USP54: variants seen among roughly 807,000 people sequenced by gnomAD.
USP54 encodes the protein ubiquitin specific peptidase 54.
USP54 carries 87 observed loss-of-function variants against 170.5 expected under a neutral mutation model. That is an observed-to-expected ratio of 0.51 (90% CI 0.43 to 0.61). USP54 has a LOEUF of 0.61. Ranked by LOEUF, USP54 falls within the 20% of genes least tolerant of loss-of-function variation. The pLI, the probability that USP54 is intolerant of heterozygous loss-of-function variation, is 0.00. For synonymous variants in USP54, 655 were observed against 742.8 expected (o/e 0.88, Z 1.92); for missense variants, 1,786 against 2,047.8 (o/e 0.87, Z 2.47).
At chr10:73,620,185 C>T (rs1047660584) in intron 1 of USP54, among the ~76,000 whole-genome samples, 1 of 149,674 alleles carries the variant, frequency 6.7e-6, no homozygotes, top group Non-Finnish European at 1.5e-5. Context: ...TGGTGGCGGG[C>T]GCCTGTAGTC....
chr10:73,504,855 T>G lies in USP54; in HGVS notation c.4306A>C (p.Ser1436Arg), dbSNP rs745923551. ...TGGACCCTGATTCTACTTACAAAAC[T>G]GTGGGAAGAAACCGGAGCTTCCTCC... ...EREEAPVSSH[S>R]FDSSNVRKPL... The change falls in exon 22 of 24, where the codon AGT becomes CGT. Residue 1436 changes from serine to arginine, a missense_variant. Around this residue, in one of 3 missense-constraint regions of USP54, gnomAD observed 1,418 missense variants for 1,569.0 expected, o/e 0.90. Transcript: ENST00000687698. The G allele has an allele frequency of 1.1e-5, 17 of 1,614,162 alleles. No homozygotes were observed. The highest frequency in any genetic ancestry group is 1.4e-5 in the Non-Finnish European group (17 of 1,180,032).
In USP54 at chr10:73,497,961, C is replaced by G. The variant is rs916861637; in HGVS notation, c.*668G>C. ...TATAGTAGGGAACAGAGGATGAGGG[C>G]TCAGGTGGAGGTGGGGACATAAAGC... is the stretch of plus-strand genomic sequence containing the variant. On this transcript the variant is annotated 3_prime_UTR_variant, in exon 24 of 24. Transcript: ENST00000687698. 2.0e-5 allele frequency: 3 copies of G among 152,332 alleles called. No individual in the cohort carries two copies. Among genetic ancestry groups the G allele is most frequent in the African/African-American group, 7.2e-5 (3 of 41,426 alleles). 9.4% of individuals were successfully genotyped at this position (152,332 alleles called of 1,614,324 possible). A position where few individuals can be genotyped will look rare whatever the true frequency, so the allele number is the denominator to read the frequency against.
intron 4 of USP54, among the ~76,000 whole-genome samples, chr10:73,560,780 G>A (rs1238209736): frequency 6.6e-6 from 1 of 150,796 alleles, no homozygotes; most frequent in African/African-American, 2.4e-5. Flanking sequence ...AAAATGGAAG[G>A]CAACTACCAA....
rs1262619526 is a variant in USP54, at chr10:73,541,421, G to C, written c.779C>G (p.Ala260Gly). 6.2e-7 allele frequency: 1 copy of C among 1,614,012 alleles called. No individual in the cohort carries two copies. Among genetic ancestry groups the C allele is most frequent in the African/African-American group, 1.3e-5 (1 of 74,890 alleles). The change falls in exon 9 of 24, where the codon GCA becomes GGA. Residue 260 changes from alanine (A) to glycine (G), a missense_variant. Physicochemically the swap from Ala to Gly is moderately conservative, Grantham distance 60. Coordinates refer to ENST00000687698, the MANE Select transcript of USP54 (RefSeq NM_001391956.1). ...TCCCAGGCTGTGGATAACATCTTCT[G>C]CTAAGTCTGAGTGGTCTGAGTCCCA... ...LVWDSDHSDL[A>G]EDVIHSLGTC...
rs202237413 is a variant in USP54, at chr10:73,499,215, C to T, written c.4496-27G>A. The T allele has an allele frequency of 1.2e-3, 1,914 of 1,558,178 alleles. 3 individuals carry two copies. Among genetic ancestry groups the T allele is most frequent in the Non-Finnish European group, 1.6e-3 (1,842 of 1,156,624 alleles). On this transcript the variant is annotated intron_variant, in intron 23 of 23. Transcript: ENST00000687698. Reference sequence around the variant, plus strand: ...TGGGGAAAGAAAAGAAACCCAAAGACTGAGCATCTTCAGAAAACCATTCTC... The same window carrying T: ...TGGGGAAAGAAAAGAAACCCAAAGATTGAGCATCTTCAGAAAACCATTCTC...
chr10:73,527,837 CAA>C (rs1015620084), intron 15 of USP54, among the ~76,000 whole-genome samples: 2 of 43,716 alleles, frequency 4.6e-5, no homozygotes, highest in Non-Finnish European at 9.3e-5. Flanking sequence ...CCATCGATAC[CAA>C]AAAAAAAAAA....
chr10:73,544,131 C>T (rs1048258329), intron 5 of USP54, among the ~76,000 whole-genome samples: 23 of 151,960 alleles, frequency 1.5e-4, no homozygotes, highest in Non-Finnish European at 2.6e-4. Flanking sequence ...TTAATAGAGA[C>T]GGCGTTTCAC....
At chr10:73,515,360 CTG>C (rs1256453651) in intron 20 of USP54, among the ~76,000 whole-genome samples, 1 of 152,106 alleles carries the variant, frequency 6.6e-6, no homozygotes, top group Non-Finnish European at 1.5e-5. Context: ...CAAATTTATA[CTG>C]AGAGTTAATG....
Position 73,536,315 on chromosome 10 carries a change from A to T in USP54, c.1098T>A (p.Ala366=), listed in dbSNP as rs1375249531. ...ATGTCCTGCTGTATGACTGGAACTC[A>T]GCTTGGGGAGGCAGGTCCTGGGTGG... ...PVSTQDLPPQ[A]EFQSYSRTCY... The change falls in exon 11 of 24, where the codon GCT becomes GCA. Residue 366 remains alanine, a synonymous_variant. Transcript: ENST00000687698. 3 of 1,614,134 alleles carry T rather than the reference A, an allele frequency of 1.9e-6. No individual in the cohort carries two copies. The highest frequency in any genetic ancestry group is 1.6e-4 in the Middle Eastern group (1 of 6,062).
At chr10:73,521,746 C>T (rs925540627) in intron 17 of USP54, among the ~76,000 whole-genome samples, 1 of 152,210 alleles carries the variant, frequency 6.6e-6, no homozygotes, top group African/African-American at 2.4e-5. Flanking sequence ...ACCAAAACTA[C>T]CCCCAAAGAA....
chr10:73,619,106 G>A (rs1176933813), intron 1 of USP54, among the ~76,000 whole-genome samples: 1 of 150,214 alleles, frequency 6.7e-6, no homozygotes, highest in Non-Finnish European at 1.5e-5. Context: ...CCAGCTACTC[G>A]GGAGGCTGAA....
intron 1 of USP54, among the ~76,000 whole-genome samples, chr10:73,597,321 CATGCAGCTAA>C (rs966873859): frequency 1.3e-5 from 2 of 152,154 alleles, no homozygotes; most frequent in Admixed American, 1.3e-4. Flanking sequence ...CTTTAGGAAT[CATGCAGCTAA>C]AGGCCCCAAG....
At chr10:73,624,512 A>G (rs2081372736) in intron 1 of USP54, 1 of 151,948 alleles carries the variant, frequency 6.6e-6, no homozygotes, top group Admixed American at 6.6e-5. Flanking sequence ...CCAGCCAAAA[A>G]GCCATTATTC....
At chr10:73,568,792 A>T (rs1201536774) in intron 4 of USP54, among the ~76,000 whole-genome samples, 3 of 152,144 alleles carry the variant, frequency 2.0e-5, no homozygotes, top group Non-Finnish European at 2.9e-5. Flanking sequence ...CACCACAAGC[A>T]ACTGTCTCTC....
intron 20 of USP54, among the ~76,000 whole-genome samples, chr10:73,515,202 C>G (rs1266120587): frequency 6.6e-6 from 1 of 152,136 alleles, no homozygotes; most frequent in Non-Finnish European, 1.5e-5. Flanking sequence ...GAAACTGTCA[C>G]AGCCAAGCTA....
chr10:73,519,140 CAA>C (rs769300590), intron 19 of USP54: 178 of 67,568 alleles, frequency 2.6e-3, no homozygotes, highest in African/African-American at 5.6e-3. Flanking sequence ...ATCCTGTCTC[CAA>C]AAAAAAAAAA....
chr10:73,541,488 C>T lies in USP54; in HGVS notation c.712G>A (p.Val238Met). Reference sequence around the variant, plus strand: ...ATAATCTGTGGAGCATTCATCAACACACGGCGAATCCTGATCCTCTCTCCA... The same window carrying T: ...ATAATCTGTGGAGCATTCATCAACATACGGCGAATCCTGATCCTCTCTCCA... ...NCGERIRIRRVLMNAPQIITI... is the reference protein window; with the variant it reads ...NCGERIRIRRMLMNAPQIITI... Residue 238 changes from valine (V) to methionine (M), a missense_variant, in exon 9 of 24, where the codon GTG becomes ATG. Around this residue, in one of 3 missense-constraint regions of USP54, gnomAD observed 361 missense variants for 455.0 expected, o/e 0.79. Transcript: ENST00000687698. 1 of 1,614,194 alleles carries T rather than the reference C, an allele frequency of 6.2e-7. No individual in the cohort carries two copies. Among genetic ancestry groups the T allele is most frequent in the Non-Finnish European group, 8.5e-7 (1 of 1,180,038 alleles).
At chr10:73,581,032 C>T (rs78276993) in intron 1 of USP54, among the ~76,000 whole-genome samples, 3 of 152,138 alleles carry the variant, frequency 2.0e-5, no homozygotes, top group Non-Finnish European at 4.4e-5. Context: ...CCACCTAACA[C>T]CACATTTCTC....
At chr10:73,621,403 C>G (rs1277898980) in intron 1 of USP54, among the ~76,000 whole-genome samples, 1 of 141,946 alleles carries the variant, frequency 7.0e-6, no homozygotes, top group Non-Finnish European at 1.5e-5. Context: ...AGATCAAGAC[C>G]ATCCTGGCTA....
Sources: allele counts gnomAD v4.1 joint callset (sites outside exome capture counted in the v4.1 genomes callset), GRCh38; gene constraint gnomAD v4.1.1; regional missense constraint gnomAD v4.1.1; transcripts MANE v1.5; gene names NCBI Gene and HGNC (gene_info 2026-07-23, HGNC 2026-07-21).